VAV2: variants seen among roughly 807,000 people sequenced by gnomAD.
VAV2 encodes vav guanine nucleotide exchange factor 2, also known as guanine nucleotide exchange factor VAV2.
VAV2 carries 67 observed loss-of-function variants against 132.5 expected under a neutral mutation model. The ratio of observed to expected loss-of-function variants is 0.51; its 90% CI spans 0.42 to 0.62. The LOEUF (loss-of-function observed/expected upper bound fraction) is 0.62. Ranked by LOEUF, VAV2 falls within the 20% of genes least tolerant of loss-of-function variation. VAV2 has a pLI of 0.00. For synonymous variants in VAV2, 492 were observed against 443.5 expected, an observed-to-expected ratio of 1.11 and a Z score of -1.37; for missense variants, 938 against 1,153.6, an observed-to-expected ratio of 0.81 and a Z score of 2.71.
chr9:133,783,162 C>T (rs1834070502), intron 19 of VAV2, among the ~76,000 whole-genome samples: 1 of 152,186 alleles, frequency 6.6e-6, no homozygotes, highest in African/African-American at 2.4e-5. Context: ...GATGAGAAAC[C>T]TCCATGCACC....
intron 3 of VAV2, among the ~76,000 whole-genome samples, chr9:133,846,946 T>A (rs1006408740): frequency 6.6e-6 from 1 of 152,172 alleles, no homozygotes; most frequent in Admixed American, 6.5e-5. Flanking sequence ...CCCGAGGGGA[T>A]GGGCTTGGCT....
At chr9:133,821,488 T>C (rs1000639341) in intron 4 of VAV2, among the ~76,000 whole-genome samples, 3 of 152,206 alleles carry the variant, frequency 2.0e-5, no homozygotes, top group Non-Finnish European at 4.4e-5. Flanking sequence ...TCAGCCATCA[T>C]GTACAAGACC....
intron 1 of VAV2, among the ~76,000 whole-genome samples, chr9:133,986,158 A>G (rs760927596): frequency 1.3e-5 from 2 of 152,324 alleles, no homozygotes; most frequent in Admixed American, 6.5e-5. Flanking sequence ...AGCAAACTCC[A>G]CCTTCACCAA....
chr9:133,885,050 C>T lies in VAV2; in HGVS notation c.322-23618G>A, dbSNP rs1370399606. Among the ~76,000 whole-genome samples the T allele has an allele frequency of 6.6e-6, 1 of 152,250 alleles. No homozygotes were observed. ...CCGATGACACCATCTGAGCCAGCCA[C>T]AGTGACAGGCAGAGCCTAGATAAGT... is the stretch of plus-strand genomic sequence containing the variant. On this transcript the variant is annotated intron_variant, in intron 2 of 29. Transcript: ENST00000371850. This position sits in a 1 kb window ranked among gnomAD's most constrained non-coding sequence, Gnocchi z 5.0.
At chr9:133,948,226 A>G (rs1477290413) in intron 1 of VAV2, among the ~76,000 whole-genome samples, 2 of 152,174 alleles carry the variant, frequency 1.3e-5, no homozygotes, top group East Asian at 1.9e-4. Context: ...TCACGAGTTG[A>G]TTTTGTCTGG....
At chr9:133,958,887 C>A (rs1841877349) in intron 1 of VAV2, among the ~76,000 whole-genome samples, 1 of 152,224 alleles carries the variant, frequency 6.6e-6, no homozygotes, top group African/African-American at 2.4e-5. Context: ...CTGGGCCCTG[C>A]CCACAGGAAG....
intron 2 of VAV2, among the ~76,000 whole-genome samples, chr9:133,867,648 T>A (rs1408315028): frequency 1.3e-5 from 2 of 152,226 alleles, no homozygotes; most frequent in Admixed American, 1.3e-4. Context: ...CCAATGGCTT[T>A]CAGTGCCCCG....
At chr9:133,924,132 A>C (rs1478023482) in intron 2 of VAV2, among the ~76,000 whole-genome samples, 1 of 152,162 alleles carries the variant, frequency 6.6e-6, no homozygotes, top group African/African-American at 2.4e-5. Flanking sequence ...TAAAACTTAA[A>C]GTATAATTTT....
At chr9:133,950,489 G>A (rs544082969) in intron 1 of VAV2, among the ~76,000 whole-genome samples, 2 of 152,312 alleles carry the variant, frequency 1.3e-5, no homozygotes, top group African/African-American at 4.8e-5. Context: ...CTCTGCTGCC[G>A]ACGGTGGGTT....
At chr9:133,925,378 T>G (rs1313820196) in intron 2 of VAV2, among the ~76,000 whole-genome samples, 1 of 152,112 alleles carries the variant, frequency 6.6e-6, no homozygotes, top group African/African-American at 2.4e-5. Context: ...CACTACATCC[T>G]GCTAATTTTT....
At chr9:133,898,971 G>A (rs1461144181) in intron 2 of VAV2, among the ~76,000 whole-genome samples, 4 of 151,888 alleles carry the variant, frequency 2.6e-5, no homozygotes, top group South Asian at 4.2e-4. Flanking sequence ...ACAGGCACCC[G>A]CCACCACGCC....
chr9:133,861,284 T>C, intron 3 of VAV2, 90 bp downstream of exon 3: 1 of 1,410,632 alleles, frequency 7.1e-7, no homozygotes, highest in African/African-American at 1.4e-5. Flanking sequence ...AGAGGGCATC[T>C]GCTTCCAACC....
intron 2 of VAV2, among the ~76,000 whole-genome samples, chr9:133,937,847 G>T (rs975123565): frequency 6.6e-6 from 1 of 152,200 alleles, no homozygotes; most frequent in African/African-American, 2.4e-5. Flanking sequence ...AGGGGGCTCA[G>T]TGAGTCATTT....
chr9:133,780,246 C>T (rs1366515592), intron 20 of VAV2, among the ~76,000 whole-genome samples: 1 of 152,206 alleles, frequency 6.6e-6, no homozygotes, highest in Non-Finnish European at 1.5e-5. Context: ...TTGTGGTGTC[C>T]ATCTGGGACA....
chr9:133,950,076 C>T (rs1841505450), intron 1 of VAV2, among the ~76,000 whole-genome samples: 1 of 152,186 alleles, frequency 6.6e-6, no homozygotes, highest in African/African-American at 2.4e-5. Flanking sequence ...GCCCCTGAGC[C>T]ATGAGGAGTG....
intron 4 of VAV2, 133 bp from the exon 5 acceptor site, chr9:133,812,349 C>G: frequency 1.3e-6 from 1 of 796,752 alleles, no homozygotes; most frequent in Non-Finnish European, 2.1e-6. Context: ...GGGCCTCAGT[C>G]TACAAAGTGG....
intron 4 of VAV2, among the ~76,000 whole-genome samples, chr9:133,816,756 A>C (rs1835574423): frequency 6.6e-6 from 1 of 152,180 alleles, no homozygotes; most frequent in Non-Finnish European, 1.5e-5. Flanking sequence ...AAACAAACAA[A>C]AACCTTACCA....
rs953982444 is a variant in VAV2 at position 133,891,112 on chromosome 9, C to T, written c.322-29680G>A. Among the ~76,000 whole-genome samples the T allele has an allele frequency of 2.6e-5, 4 of 151,126 alleles. No homozygotes were observed. The South Asian group carries it at 8.4e-4, about 32-fold the overall frequency. On this transcript the variant is annotated intron_variant, in intron 2 of 29. Transcript: ENST00000371850. Reference sequence around the variant, plus strand: ...TCTCCAAGGCTCTTGCAAGGGAGCACCAGAGCCCTGCTCAAGGTGCTCAGC... The same window carrying T: ...TCTCCAAGGCTCTTGCAAGGGAGCATCAGAGCCCTGCTCAAGGTGCTCAGC...
chr9:133,788,243 C>CCCCCA lies in VAV2; in HGVS notation c.1407+110_1407+111insTGGGG. 8 of 1,310,470 alleles carry CCCCCA rather than the reference C, an allele frequency of 6.1e-6. No homozygotes were observed. The highest frequency in any genetic ancestry group is 7.4e-6 in the Non-Finnish European group (7 of 948,748). 81.2% of individuals were successfully genotyped at this position (1,310,470 alleles called of 1,614,324 possible). A position where few individuals can be genotyped will look rare whatever the true frequency, so the allele number is the denominator to read the frequency against. On this transcript the variant is annotated intron_variant, in intron 15 of 29. Transcript: ENST00000371850. The surrounding 1 kb of genome is among the most constrained non-coding windows in gnomAD (Gnocchi z 5.3). ...AGACGCCCACCCCAACCCACCCGGC[C>CCCCCA]AGCATCAGCGGCTGACTTCGAGTCC...
Sources: allele counts gnomAD v4.1 joint callset (sites outside exome capture counted in the v4.1 genomes callset), GRCh38; gene constraint gnomAD v4.1.1; non-coding constraint Gnocchi (gnomAD v3.1); transcripts MANE v1.5; gene names NCBI Gene and HGNC (gene_info 2026-07-23, HGNC 2026-07-21).